The following EIF2B3 variants were observed in gnomAD, a reference collection of about 807,000 sequenced individuals.
EIF2B3 encodes eukaryotic translation initiation factor 2B subunit gamma.
EIF2B3 carries 20 observed loss-of-function variants against 54.1 expected under a neutral mutation model. The ratio of observed to expected loss-of-function variants is 0.37; its 90% CI spans 0.26 to 0.54. The LOEUF is 0.54. Ranked by LOEUF, EIF2B3 falls within the 20% of genes least tolerant of loss-of-function variation. The pLI is 0.86. For missense variants in EIF2B3, 448 were observed against 547.8 expected, an observed-to-expected ratio of 0.82 and a Z score of 1.82; for synonymous variants, 153 against 188.1, an observed-to-expected ratio of 0.81 and a Z score of 1.52.
chr1:44,984,189 AAAAT>A (rs1405266631), intron 1 of EIF2B3, among the ~76,000 whole-genome samples: 1 of 151,878 alleles, frequency 6.6e-6, no homozygotes, highest in Non-Finnish European at 1.5e-5. Flanking sequence ...CAAAAAAAAT[AAAAT>A]AAAATAAAAA....
rs77040231 is a variant in EIF2B3, at chr1:44,923,218, C to T, written c.566+3410G>A. On this transcript the variant is annotated intron_variant, in intron 5 of 11. Coordinates refer to ENST00000360403, the MANE Select transcript of EIF2B3 (RefSeq NM_020365.5). The stretch of plus-strand genomic sequence containing the variant: ...CAATTTAGATGCCCTTTATTTCCTT[C>T]TCTTGTTTGACTGCTCTAGCTAGGA... 5.0e-3 allele frequency among the ~76,000 whole-genome samples: 757 copies of T among 152,292 alleles called. 4 individuals carry two copies. The highest frequency in any genetic ancestry group is 8.1e-3 in the East Asian group (42 of 5,190).
intron 4 of EIF2B3, among the ~76,000 whole-genome samples, chr1:44,935,782 T>G (rs1643940797): frequency 6.6e-6 from 1 of 152,230 alleles, no homozygotes; most frequent in South Asian, 2.1e-4. Flanking sequence ...ATTATAGGCG[T>G]GAGCCACTGC....
At chr1:44,856,472 A>T (rs1654437479) in intron 11 of EIF2B3, among the ~76,000 whole-genome samples, 1 of 150,934 alleles carries the variant, frequency 6.6e-6, no homozygotes, top group South Asian at 2.1e-4. Flanking sequence ...CTGAGATAGC[A>T]CTACTGTACT....
At chr1:44,965,104 C>G (rs576358175) in intron 3 of EIF2B3, among the ~76,000 whole-genome samples, 2 of 152,240 alleles carry the variant, frequency 1.3e-5, no homozygotes, top group South Asian at 4.1e-4. Flanking sequence ...TCACATGGCT[C>G]TAGACATAGG....
intron 3 of EIF2B3, among the ~76,000 whole-genome samples, chr1:44,959,896 T>C (rs150693114): frequency 6.6e-6 from 1 of 152,356 alleles, no homozygotes; most frequent in African/African-American, 2.4e-5. Flanking sequence ...CTGTGTTATA[T>C]GCTACACGTC....
At chr1:44,853,868 G>A (rs1328447704) in intron 11 of EIF2B3, among the ~76,000 whole-genome samples, 3 of 152,168 alleles carry the variant, frequency 2.0e-5, no homozygotes, top group African/African-American at 7.2e-5. Flanking sequence ...TACATCAACA[G>A]CCTGACCTAT....
chr1:44,944,530 C>T (rs1452301349), intron 3 of EIF2B3, among the ~76,000 whole-genome samples: 1 of 150,538 alleles, frequency 6.6e-6, no homozygotes, highest in South Asian at 2.1e-4. Flanking sequence ...CAGTGTCTTG[C>T]ACCTGTAAGC....
chr1:44,868,350 A>ATTGCTGAGG (rs917739624), intron 10 of EIF2B3, among the ~76,000 whole-genome samples: 2 of 135,974 alleles, frequency 1.5e-5, no homozygotes, highest in Non-Finnish European at 3.1e-5. Context: ...GTGAGCTGAG[A>ATTGCTGAGG]TTGCGCCACT....
At chr1:44,950,886 G>A (rs1644153616) in intron 3 of EIF2B3, among the ~76,000 whole-genome samples, 1 of 152,014 alleles carries the variant, frequency 6.6e-6, no homozygotes, top group Non-Finnish European at 1.5e-5. Context: ...ACAGGATTAT[G>A]CCATGTTGGC....
In EIF2B3 at chr1:44,881,196, G is replaced by C. The variant is rs193212343; in HGVS notation, c.784+416C>G. Reference sequence around the variant, plus strand: ...TCAGATCCTGGCACGGAGACACCTGGGTTGGCCTGTGGTTGGACTGCAATT... The same window carrying C: ...TCAGATCCTGGCACGGAGACACCTGCGTTGGCCTGTGGTTGGACTGCAATT... On this transcript the variant is annotated intron_variant, in intron 7 of 11. Transcript: ENST00000360403. The surrounding 1 kb of genome is among the most constrained non-coding windows in gnomAD (Gnocchi z 4.0). Among the ~76,000 whole-genome samples the C allele has an allele frequency of 1.8e-4, 27 of 152,284 alleles. No individual in the cohort carries two copies. Among genetic ancestry groups the C allele is most frequent in the African/African-American group, 6.5e-4 (27 of 41,558 alleles).
intron 3 of EIF2B3, among the ~76,000 whole-genome samples, chr1:44,969,332 T>A (rs1644378350): frequency 6.6e-6 from 1 of 152,320 alleles, no homozygotes. Flanking sequence ...AGGGAAAACC[T>A]ATATATCAAG....
intron 1 of EIF2B3, among the ~76,000 whole-genome samples, chr1:44,985,445 G>T (rs914283775): frequency 1.3e-5 from 2 of 152,154 alleles, no homozygotes; most frequent in African/African-American, 2.4e-5. Context: ...GTCTACTTAA[G>T]TGTAACATTA....
At chr1:44,889,585 ATTTAC>A (rs1655727875) in intron 6 of EIF2B3, among the ~76,000 whole-genome samples, 1 of 151,260 alleles carries the variant, frequency 6.6e-6, no homozygotes, top group African/African-American at 2.4e-5. Context: ...TTTTATTTTT[ATTTAC>A]TTTGTTTTTT....
intron 6 of EIF2B3, among the ~76,000 whole-genome samples, chr1:44,891,852 C>T (rs1464090666): frequency 1.3e-5 from 2 of 152,106 alleles, no homozygotes; most frequent in Non-Finnish European, 2.9e-5. Flanking sequence ...TAATACAGAT[C>T]ATTTCAAGTT....
rs545195850 is a variant in EIF2B3 at position 44,919,505 on chromosome 1, A to G, written c.566+7123T>C. The stretch of plus-strand genomic sequence containing the variant: ...AGTTCAACTCCAAACTAACTACTTA[A>G]GTGCTCCAAATCGTCTCAAAATGTT... On this transcript the variant is annotated intron_variant, in intron 5 of 11. Transcript: ENST00000360403. Among the ~76,000 whole-genome samples the G allele has an allele frequency of 2.6e-5, 4 of 152,142 alleles. No individual in the cohort carries two copies. The South Asian group carries it at 8.3e-4, about 31-fold the overall frequency.
At position 44,952,556 on chromosome 1, in the gene EIF2B3, A is replaced by ATTT. The variant is rs34153088; in HGVS notation, c.295-10894_295-10892dup. Among the ~76,000 whole-genome samples the ATTT allele has an allele frequency of 1.7e-3, 234 of 141,546 alleles. 1 individual carries two copies. Among genetic ancestry groups the ATTT allele is most frequent in the East Asian group, 5.7e-3 (28 of 4,888 alleles). 92.9% of individuals were successfully genotyped at this position (141,546 alleles called of 152,430 possible). A position where few individuals can be genotyped will look rare whatever the true frequency, so the allele number is the denominator to read the frequency against. ...CAATAAATTAAATGTCTTTTCTCCA[A>ATTT]TTTTTTTTTTTTTTTTGAGACAGAG... is the stretch of plus-strand genomic sequence containing the variant. On this transcript the variant is annotated intron_variant, in intron 3 of 11. Coordinates refer to ENST00000360403, the MANE Select transcript of EIF2B3 (RefSeq NM_020365.5).
At chr1:44,924,142 G>A (rs575150717) in intron 5 of EIF2B3, among the ~76,000 whole-genome samples, 2 of 151,860 alleles carry the variant, frequency 1.3e-5, no homozygotes, top group Non-Finnish European at 2.9e-5. Flanking sequence ...GGGTTTCACC[G>A]TGTTAGCCAA....
chr1:44,855,661 A>G (rs1317562918), intron 11 of EIF2B3, among the ~76,000 whole-genome samples: 1 of 151,922 alleles, frequency 6.6e-6, no homozygotes, highest in Non-Finnish European at 1.5e-5. Flanking sequence ...GGTTCCAGCA[A>G]TTCTCCTGCC....
At chr1:44,969,691 T>C (rs1569866138) in intron 3 of EIF2B3, among the ~76,000 whole-genome samples, 2 of 152,222 alleles carry the variant, frequency 1.3e-5, no homozygotes, top group Admixed American at 1.3e-4. Context: ...TAACTGTTGA[T>C]GCTGGGTGAC....
Sources: allele counts gnomAD v4.1 joint callset (sites outside exome capture counted in the v4.1 genomes callset), GRCh38; gene constraint gnomAD v4.1.1; non-coding constraint Gnocchi (gnomAD v3.1); transcripts MANE v1.5; gene names NCBI Gene and HGNC (gene_info 2026-07-23, HGNC 2026-07-21).